Variants in SPATS2 observed in about 807,000 individuals in gnomAD.
SPATS2 encodes the protein spermatogenesis-associated serine-rich protein 2.
Under a neutral mutation model 63.7 loss-of-function variants are expected in SPATS2, and 38 were observed. The ratio of observed to expected loss-of-function variants is 0.60; its 90% CI spans 0.46 to 0.78. The LOEUF (loss-of-function observed/expected upper bound fraction) is 0.78, where lower values mean the gene tolerates loss of function less well. SPATS2 is among the 30% of genes least tolerant of loss of function. The pLI is 0.00. For synonymous variants in SPATS2, 207 were observed against 232.9 expected, an observed-to-expected ratio of 0.89 and a Z score of 1.01; for missense variants, 588 against 666.2, an observed-to-expected ratio of 0.88 and a Z score of 1.29.
chr12:49,468,976 G>A (rs1945980374), intron 3 of SPATS2, among the ~76,000 whole-genome samples: 1 of 151,986 alleles, frequency 6.6e-6, no homozygotes, highest in Admixed American at 6.6e-5. Context: ...AATAAGGCTG[G>A]GTACAGTGGC....
chr12:49,389,800 C>T (rs892859480), intron 2 of SPATS2: 6 of 1,096,894 alleles, frequency 5.5e-6, no homozygotes, highest in Middle Eastern at 2.1e-4. Flanking sequence ...GAACATCAGT[C>T]GGCCTTGGAA....
intron 3 of SPATS2, among the ~76,000 whole-genome samples, chr12:49,473,933 G>A (rs952012969): frequency 2.6e-5 from 4 of 152,340 alleles, no homozygotes; most frequent in Admixed American, 6.5e-5. Context: ...GATAAAGAAA[G>A]GAAGTGGAAG....
intron 2 of SPATS2, among the ~76,000 whole-genome samples, chr12:49,431,334 C>T (rs1380444148): frequency 3.9e-5 from 6 of 152,078 alleles, no homozygotes; most frequent in African/African-American, 7.2e-5. Context: ...CTGCAACCTC[C>T]GTCTTCTGGG....
intron 2 of SPATS2, among the ~76,000 whole-genome samples, chr12:49,455,407 C>T (rs1246238106): frequency 1.3e-5 from 2 of 152,142 alleles, no homozygotes; most frequent in Non-Finnish European, 2.9e-5. Flanking sequence ...ACCAAGGTCT[C>T]CTATAGTCTC....
At chr12:49,400,974 G>C (rs1944595195) in intron 2 of SPATS2, among the ~76,000 whole-genome samples, 1 of 152,160 alleles carries the variant, frequency 6.6e-6, no homozygotes, top group African/African-American at 2.4e-5. Flanking sequence ...CCAGGCTCAA[G>C]TGATTCTCCC....
chr12:49,496,875 CT>C lies in SPATS2; in HGVS notation c.572del (p.Leu191Ter). ...QNGVSDFETK[S>X]LTMHSIHNSQ... ...GGTGTCTCTGATTTTGAGACCAAGT[CT>C]TTGACTATGCACTCTATTCACAATT... On this transcript the variant is annotated frameshift_variant, in exon 8 of 14. Coordinates refer to ENST00000552918, the MANE Select transcript of SPATS2 (RefSeq NM_023071.4). LOFTEE classifies it high-confidence loss of function. 1 of 1,614,130 alleles carries C rather than the reference CT, an allele frequency of 6.2e-7. No individual in the cohort carries two copies.
chr12:49,516,861 A>G (rs934758203), intron 10 of SPATS2, among the ~76,000 whole-genome samples: 2 of 152,200 alleles, frequency 1.3e-5, no homozygotes, highest in Non-Finnish European at 2.9e-5. Context: ...CATCAGTTTT[A>G]TATCTTTAGC....
chr12:49,428,254 C>T (rs1164699199), intron 2 of SPATS2, among the ~76,000 whole-genome samples: 1 of 140,160 alleles, frequency 7.1e-6, no homozygotes, highest in South Asian at 2.3e-4. Flanking sequence ...GACCCCGTCT[C>T]AAAAAACAAA....
chr12:49,487,296 T>G (rs11169045), intron 4 of SPATS2, among the ~76,000 whole-genome samples: 52,629 of 151,876 alleles, frequency 0.35, 12,745 homozygotes, highest in African/African-American at 0.69. Context: ...TTCGAGACCA[T>G]CCTGTCCAAC....
intron 1 of SPATS2, among the ~76,000 whole-genome samples, chr12:49,368,043 G>A (rs991342095): frequency 6.6e-6 from 1 of 152,022 alleles, no homozygotes; most frequent in Non-Finnish European, 1.5e-5. Context: ...GGGAGAGAAG[G>A]GCGTTCTTGG....
intron 2 of SPATS2, among the ~76,000 whole-genome samples, chr12:49,450,824 G>A (rs562514260): frequency 3.9e-5 from 6 of 151,924 alleles, no homozygotes; most frequent in South Asian, 2.1e-4. Flanking sequence ...AATTACAGGC[G>A]CAAGCTACTG....
intron 2 of SPATS2, among the ~76,000 whole-genome samples, chr12:49,449,704 G>A (rs1469281344): frequency 2.0e-5 from 3 of 152,218 alleles, no homozygotes; most frequent in Non-Finnish European, 4.4e-5. Flanking sequence ...AAGAAAGTTT[G>A]TGCAGGGGAA....
intron 2 of SPATS2, among the ~76,000 whole-genome samples, chr12:49,457,119 A>C (rs1945732697): frequency 1.3e-5 from 2 of 152,068 alleles, no homozygotes; most frequent in Admixed American, 1.3e-4. Flanking sequence ...TTGAATTCAA[A>C]TTCTTATTTG....
chr12:49,446,111 C>T (rs892812560), intron 2 of SPATS2, among the ~76,000 whole-genome samples: 3 of 151,876 alleles, frequency 2.0e-5, no homozygotes, highest in African/African-American at 7.3e-5. Flanking sequence ...ACCATGTTGC[C>T]CAAGGTGGTC....
intron 2 of SPATS2, among the ~76,000 whole-genome samples, chr12:49,396,021 G>A (rs1944504764): frequency 1.3e-5 from 2 of 152,204 alleles, no homozygotes; most frequent in African/African-American, 4.8e-5. Context: ...TCCTGTGACT[G>A]GCTTTCACTT....
intron 3 of SPATS2, among the ~76,000 whole-genome samples, chr12:49,470,265 C>A (rs894519842): frequency 6.6e-6 from 1 of 152,266 alleles, no homozygotes; most frequent in Non-Finnish European, 1.5e-5. Context: ...CTCCTGACCT[C>A]AGGAGATCCT....
At chr12:49,474,104 C>G (rs1000150932) in intron 3 of SPATS2, among the ~76,000 whole-genome samples, 2 of 152,160 alleles carry the variant, frequency 1.3e-5, no homozygotes, top group African/African-American at 4.8e-5. Context: ...GTGTTTGCAT[C>G]GTACCTGTGT....
intron 2 of SPATS2, among the ~76,000 whole-genome samples, chr12:49,418,498 C>T (rs1944929389): frequency 6.6e-6 from 1 of 152,046 alleles, no homozygotes; most frequent in Admixed American, 6.6e-5. Context: ...CGGGGTTTCG[C>T]CATGTTGGGC....
chr12:49,429,319 A>G (rs932173123), intron 2 of SPATS2, among the ~76,000 whole-genome samples: 2 of 152,226 alleles, frequency 1.3e-5, no homozygotes, highest in African/African-American at 4.8e-5. Flanking sequence ...AATAAAATTT[A>G]TGGTGATCAA....
Sources: allele counts gnomAD v4.1 joint callset (sites outside exome capture counted in the v4.1 genomes callset), GRCh38; gene constraint gnomAD v4.1.1; transcripts MANE v1.5; gene names NCBI Gene and HGNC (gene_info 2026-07-23, HGNC 2026-07-21).